Variants in GNL3L observed in about 807,000 individuals in gnomAD.
The protein encoded by GNL3L is G protein nucleolar 3 like, also known as guanine nucleotide-binding protein-like 3-like protein.
GNL3L carries 4 observed loss-of-function variants against 42.9 expected under a neutral mutation model. That is an observed-to-expected ratio of 0.09 (90% confidence interval 0.05 to 0.21). The LOEUF is 0.21. Among genes scored for constraint, GNL3L ranks in the 10% least tolerant of loss-of-function variants. The pLI, the probability that GNL3L is intolerant of heterozygous loss-of-function variation, is 1.00. For synonymous variants in GNL3L, 159 were observed against 176.3 expected, an observed-to-expected ratio of 0.90 and a Z score of 0.78; for missense variants, 412 against 481.7, an observed-to-expected ratio of 0.86 and a Z score of 1.36.
In GNL3L at chrX:54,558,512, G is replaced by T. The variant is rs549795452; in HGVS notation, c.1523G>T (p.Arg508Leu). Reference sequence around the variant, plus strand: ...TGGGCTAAACGCAATGTGGACCACCGCCCTAAGAGCAACAGTATGGTGGAT... The same window carrying T: ...TGGGCTAAACGCAATGTGGACCACCTCCCTAAGAGCAACAGTATGGTGGAT... ...MGWAKRNVDH[R>L]PKSNSMVDVC... Residue 508 changes from arginine (R) to leucine (L), a missense_variant, in exon 15 of 16, where the codon CGC becomes CTC. By Grantham distance (102) the Arg-to-Leu change is moderately radical. Coordinates refer to ENST00000360845, the MANE Select transcript of GNL3L (RefSeq NM_001184819.2). 2 of 1,206,385 alleles carry T rather than the reference G, an allele frequency of 1.7e-6. No homozygotes were observed. Among genetic ancestry groups the T allele is most frequent in the Non-Finnish European group, 2.2e-6 (2 of 892,331 alleles).
At chrX:54,624,524 G>A (rs764842601), downstream of GNL3L, among the ~76,000 whole-genome samples, 12 of 99,606 alleles carry the variant, frequency 1.2e-4, no homozygotes, top group African/African-American at 2.3e-4. Flanking sequence ...TGCAACCTCC[G>A]TCTCCCGGGT....
chrX:54,625,140 T>A (rs1264473318), downstream of GNL3L, among the ~76,000 whole-genome samples: 1 of 111,363 alleles, frequency 9.0e-6, no homozygotes, highest in African/African-American at 3.3e-5. Context: ...TTATTTATTG[T>A]TCTTGTCAGA....
At chrX:54,587,781 A>T (rs1332062252) in intron 16 of GNL3L, among the ~76,000 whole-genome samples, 2 of 110,025 alleles carry the variant, frequency 1.8e-5, no homozygotes, top group Admixed American at 1.9e-4. Context: ...CTCGGGTTCA[A>T]GCGATTCTCC....
chrX:54,633,106 G>C, the GNL3L span, among the ~76,000 whole-genome samples: 14,759 of 110,764 alleles, frequency 0.13, 1,507 homozygotes, highest in African/African-American at 0.36. Flanking sequence ...TCCATCTTCG[G>C]GTCTCTTAGC....
chrX:54,596,050 A>G (rs1231059578), intron 16 of GNL3L, among the ~76,000 whole-genome samples: 19 of 111,689 alleles, frequency 1.7e-4, no homozygotes. Context: ...TGGTAAGCTA[A>G]ATGATCTAAT....
intron 16 of GNL3L, among the ~76,000 whole-genome samples, chrX:54,572,830 G>T (rs1013867997): frequency 9.2e-6 from 1 of 108,565 alleles, no homozygotes; most frequent in Non-Finnish European, 1.9e-5. Context: ...CTTCTCAGGC[G>T]GGGCGGCCGG....
Position 54,607,065 on chromosome X carries a change from TTTCTTTC to T in GNL3L, c.*46-13778_*46-13772del, listed in dbSNP as rs1185098606. 1.1e-3 allele frequency among the ~76,000 whole-genome samples: 68 copies of T among 64,259 alleles called. 3 individuals carry two copies. The highest frequency in any genetic ancestry group is 5.2e-3 in the African/African-American group (49 of 9,513). 55.8% of individuals were successfully genotyped at this position (64,259 alleles called of 115,157 possible). A position where few individuals can be genotyped will look rare whatever the true frequency, so the allele number is the denominator to read the frequency against. ...CTTTCTTTCTTTCTTTCTTTCTTTC[TTTCTTTC>T]TCTTTCTTTCTTCTTTCTTTCTTTC... On this transcript the variant is annotated intron_variant, in intron 16 of 16. Coordinates refer to the GNL3L transcript ENST00000674498.
At chrX:54,600,206 CTTTTTTTTTTTT>C (rs1172527598) in intron 16 of GNL3L, among the ~76,000 whole-genome samples, 82 of 13,385 alleles carry the variant, frequency 6.1e-3, no homozygotes, top group Middle Eastern at 0.045. Context: ...CAATCTGCTG[CTTTTTTTTTTTT>C]TTTTTTTTTT....
chrX:54,584,092 T>G (rs2147516643), intron 16 of GNL3L, among the ~76,000 whole-genome samples: 1 of 106,754 alleles, frequency 9.4e-6, no homozygotes, highest in South Asian at 4.2e-4. Flanking sequence ...TTTTTTTTTT[T>G]TTTTTTTGAG....
intron 16 of GNL3L, among the ~76,000 whole-genome samples, chrX:54,583,148 C>T (rs1043110667): frequency 3.6e-5 from 4 of 110,885 alleles, no homozygotes; most frequent in African/African-American, 1.3e-4. Flanking sequence ...TTTCACAGAG[C>T]GAATGTTTTA....
intron 3 of GNL3L, 37 bp downstream of exon 3, chrX:54,539,138 CA>C: frequency 1.2e-6 from 1 of 808,138 alleles, no homozygotes; most frequent in Non-Finnish European, 1.8e-6. Context: ...AGGTCAAGAA[CA>C]GGTTGCTTGT....
chrX:54,621,306 C>T (rs1171955158), exon 17 of GNL3L, among the ~76,000 whole-genome samples: 2 of 112,018 alleles, frequency 1.8e-5, no homozygotes, highest in African/African-American at 6.5e-5. Flanking sequence ...CCAACTGAGA[C>T]AGTCATGCTG....
At position 54,607,008 on chromosome X, in the gene GNL3L, CTTTCTTTCTTTCTTTCTTTCTTTCTT is replaced by C. The variant is rs1480507266; in HGVS notation, c.*46-13835_*46-13810del. On this transcript the variant is annotated intron_variant, in intron 16 of 16. Transcript: ENST00000674498. ...TTCCTTTCCTTTCCTTTCTTTCTTT[CTTTCTTTCTTTCTTTCTTTCTTTCTT>C]TCTTTCTTTCTTTCTTTCTTTCTTT... Among the ~76,000 whole-genome samples the C allele has an allele frequency of 1.9e-4, 7 of 37,435 alleles. 1 individual carries two copies. Among genetic ancestry groups the C allele is most frequent in the African/African-American group, 8.4e-4 (7 of 8,315 alleles). 32.5% of individuals were successfully genotyped at this position (37,435 alleles called of 115,157 possible). A position where few individuals can be genotyped will look rare whatever the true frequency, so the allele number is the denominator to read the frequency against.
chrX:54,542,272 G>A (rs1305734693), intron 5 of GNL3L, among the ~76,000 whole-genome samples: 2 of 86,758 alleles, frequency 2.3e-5, no homozygotes, highest in Admixed American at 1.5e-4. Context: ...ACAGTCCCCG[G>A]TGTGTGATGT....
At chrX:54,549,733 C>T (rs1294635969) in intron 9 of GNL3L, among the ~76,000 whole-genome samples, 1 of 112,231 alleles carries the variant, frequency 8.9e-6, no homozygotes, top group Non-Finnish European at 1.9e-5. Flanking sequence ...AAAGAAGACA[C>T]GCATGTGCCC....
chrX:54,541,279 G>A lies in GNL3L; in HGVS notation c.196G>A (p.Glu66Lys), dbSNP rs1924605728. 1 of 1,194,290 alleles carries A rather than the reference G, an allele frequency of 8.4e-7. No individual in the cohort carries two copies. The highest frequency in any genetic ancestry group is 2.2e-5 in the Admixed American group (1 of 45,861). ...GTGTGTGTTCACTTGTTAGGTTGAGGAGATGAGGGAGAAGCAGCAAGCCGC... is the reference window on the plus strand; with the variant it reads ...GTGTGTGTTCACTTGTTAGGTTGAGAAGATGAGGGAGAAGCAGCAAGCCGC... ...EAELKKKWVE[E>K]MREKQQAARE... The change falls in exon 5 of 16, where the codon GAG (glutamate) becomes AAG (lysine). Residue 66 changes from glutamate (E) to lysine (K), a missense_variant. Physicochemically the swap from Glu to Lys is moderately conservative, Grantham distance 56. Transcript: ENST00000360845.
chrX:54,584,021 C>A (rs868090149), intron 16 of GNL3L, among the ~76,000 whole-genome samples: 2 of 110,620 alleles, frequency 1.8e-5, no homozygotes, highest in African/African-American at 6.6e-5. Context: ...ATAAAAGCCA[C>A]GTATGACAGA....
At chrX:54,560,150 C>T (rs979428259) in intron 15 of GNL3L, among the ~76,000 whole-genome samples, 2 of 110,937 alleles carry the variant, frequency 1.8e-5, no homozygotes, top group African/African-American at 6.6e-5. Context: ...AGGCTTATGG[C>T]GAACATACAG....
intron 16 of GNL3L, among the ~76,000 whole-genome samples, chrX:54,620,442 CATGTTGTTGCAAATGGACTGGT>C (rs781512374): frequency 1.8e-5 from 2 of 111,755 alleles, no homozygotes; most frequent in Non-Finnish European, 3.8e-5. Flanking sequence ...CCTCCAGTTC[CATGTTGTTGCAAATGGACTGGT>C]TCTCATTCTT....
Sources: allele counts gnomAD v4.1 joint callset (sites outside exome capture counted in the v4.1 genomes callset), GRCh38; gene constraint gnomAD v4.1.1; transcripts MANE v1.5; gene names NCBI Gene and HGNC (gene_info 2026-07-23, HGNC 2026-07-21).